Variants in CEP72 observed in about 807,000 individuals in gnomAD.
CEP72 encodes centrosomal protein 72, also known as centrosomal protein of 72 kDa.
CEP72 carries 78 observed loss-of-function variants against 65.7 expected under a neutral mutation model. The ratio of observed to expected loss-of-function variants is 1.19; its 90% CI spans 0.99 to 1.43. CEP72 has a LOEUF of 1.43. Ranked by LOEUF, CEP72 falls within the 40% of genes most tolerant of loss-of-function variation. The pLI is 0.00. For missense variants in CEP72, 914 were observed against 832.9 expected (o/e 1.10, Z -1.20); for synonymous variants, 358 against 351.7 (o/e 1.02, Z -0.20).
intron 9 of CEP72, chr5:641,466 G>A: frequency 1.0e-6 from 1 of 985,456 alleles, no homozygotes; most frequent in Non-Finnish European, 1.2e-6. Context: ...AGTACATACT[G>A]TCCGTTTCAT....
At chr5:637,413 T>G in intron 6 of CEP72, 104 bp from the exon 7 acceptor site, 2 of 939,386 alleles carry the variant, frequency 2.1e-6, no homozygotes, top group Non-Finnish European at 3.3e-6. Flanking sequence ...TGTGTCCATG[T>G]GTGTATATAC....
downstream of CEP72, chr5:659,714 T>C: frequency 6.6e-6 from 1 of 152,440 alleles, no homozygotes; most frequent in Non-Finnish European, 1.5e-5. Flanking sequence ...AGCGAGAGAC[T>C]CCCTCGGGAA....
At chr5:662,602 A>ACTGTGGGGACTGGGCTGCC (rs1215248509) in intron 1 of CEP72, 2 of 152,546 alleles carry the variant, frequency 1.3e-5, no homozygotes, top group African/African-American at 4.8e-5. Flanking sequence ...CTTGGCCGTG[A>ACTGTGGGGACTGGGCTGCC]CTGTGGGGAC....
At chr5:650,017 T>G (rs886485968) in intron 11 of CEP72, among the ~76,000 whole-genome samples, 25 of 53,960 alleles carry the variant, frequency 4.6e-4, no homozygotes, top group South Asian at 8.1e-4. Context: ...GACTGTGAGG[T>G]GTGACTGTGA....
rs150503940 is a variant in CEP72 at position 613,097 on chromosome 5, G to A, written c.82+654G>A. On this transcript the variant is annotated intron_variant, in intron 1 of 11. Coordinates refer to ENST00000264935, the MANE Select transcript of CEP72 (RefSeq NM_018140.4). ...AGAACCGTTCATATTAGTTCACCGC[G>A]AGTCTTGGCTGTGTGGGGTTTTGTG... 2.5e-3 allele frequency among the ~76,000 whole-genome samples: 381 copies of A among 152,296 alleles called. 1 individual carries two copies. Among genetic ancestry groups the A allele is most frequent in the South Asian group, 0.011 (53 of 4,832 alleles).
At chr5:647,711 A>G in intron 10 of CEP72, 94 bp from the exon 11 acceptor site, 2 of 822,920 alleles carry the variant, frequency 2.4e-6, no homozygotes, top group Non-Finnish European at 3.9e-6. Context: ...TCTGGTAACC[A>G]AGATCCAGTT....
rs1171072536 is a variant in CEP72, at chr5:623,628, G to A, written c.404-843G>A. Among the ~76,000 whole-genome samples, 1 of 152,088 alleles carries A rather than the reference G, an allele frequency of 6.6e-6. No individual in the cohort carries two copies. Among genetic ancestry groups the A allele is most frequent in the East Asian group, 1.9e-4 (1 of 5,170 alleles). ...AGAGAGCTATGCGTCGTTAGTGCGG[G>A]GCTGGTGAAGGCCGGGGTGGAAAGG... is the stretch of plus-strand genomic sequence containing the variant. On this transcript the variant is annotated intron_variant, in intron 3 of 11. Transcript: ENST00000264935. This position sits in a 1 kb window ranked among gnomAD's most constrained non-coding sequence, Gnocchi z 5.3.
intron 5 of CEP72, among the ~76,000 whole-genome samples, chr5:634,291 G>C (rs545944432): frequency 2.6e-5 from 4 of 152,328 alleles, no homozygotes; most frequent in African/African-American, 9.6e-5. Context: ...CATAGTCACC[G>C]AACTTGCAGG....
downstream of CEP72, among the ~76,000 whole-genome samples, chr5:667,712 T>A (rs577743520): frequency 2.1e-4 from 31 of 150,936 alleles, no homozygotes; most frequent in African/African-American, 7.4e-4. Context: ...AGAAAAAAAA[T>A]CCATGTGAAA....
intron 3 of CEP72, chr5:665,472 G>A: frequency 1.5e-6 from 1 of 662,362 alleles, no homozygotes; most frequent in Admixed American, 3.0e-5. Context: ...CCCTGGGGCA[G>A]CCTTGGGCCT....
chr5:666,070 T>C, exon 4 of CEP72: 1 of 1,612,268 alleles, frequency 6.2e-7, no homozygotes, highest in Non-Finnish European at 8.5e-7. Flanking sequence ...CTTGGCGAGC[T>C]CCTCCAGCGC....
At chr5:670,791 G>A (rs1740193628), downstream of CEP72, among the ~76,000 whole-genome samples, 8 of 152,330 alleles carry the variant, frequency 5.3e-5, no homozygotes, top group South Asian at 1.7e-3. Flanking sequence ...GTTTCCCGGG[G>A]CCGACAGAGG....
At chr5:634,458 G>T (rs540233654) in intron 5 of CEP72, among the ~76,000 whole-genome samples, 1 of 152,216 alleles carries the variant, frequency 6.6e-6, no homozygotes, top group African/African-American at 2.4e-5. Flanking sequence ...AGAACTTTTC[G>T]TGGAAACAAC....
intron 2 of CEP72, among the ~76,000 whole-genome samples, chr5:619,737 G>C (rs1159804362): frequency 3.3e-5 from 5 of 152,248 alleles, no homozygotes; most frequent in Non-Finnish European, 7.3e-5. Flanking sequence ...TCTGTGAAGG[G>C]GGGGCTGATG....
intron 10 of CEP72, among the ~76,000 whole-genome samples, chr5:646,554 C>T (rs1404833665): frequency 1.3e-5 from 2 of 152,192 alleles, no homozygotes; most frequent in Non-Finnish European, 2.9e-5. Context: ...TCTCTGATGC[C>T]GTCATCCTGG....
At chr5:626,962 G>C (rs907515313) in intron 4 of CEP72, among the ~76,000 whole-genome samples, 2 of 152,232 alleles carry the variant, frequency 1.3e-5, no homozygotes, top group Admixed American at 6.5e-5. Flanking sequence ...ATTCATAAGA[G>C]ATACTGGCCT....
chr5:665,974 A>G, exon 4 of CEP72: 12 of 1,289,726 alleles, frequency 9.3e-6, no homozygotes, highest in Non-Finnish European at 1.2e-5. Context: ...GCTCACCGTC[A>G]CCCCTGAGAT....
downstream of CEP72, among the ~76,000 whole-genome samples, chr5:659,706 CGA>C (rs1366585485): frequency 6.6e-6 from 1 of 152,206 alleles, no homozygotes; most frequent in East Asian, 1.9e-4. Context: ...GATGAGGAAG[CGA>C]GAGACTCCCT....
At chr5:668,739 C>T (rs1740063644), downstream of CEP72, among the ~76,000 whole-genome samples, 1 of 152,246 alleles carries the variant, frequency 6.6e-6, no homozygotes, top group Non-Finnish European at 1.5e-5. Flanking sequence ...CAAATGTTTA[C>T]CACTGTTCTG....
Sources: gnomAD v4.1 joint callset for allele counts (sites outside exome capture counted in the v4.1 genomes callset) on GRCh38, gnomAD v4.1.1 for gene constraint, Gnocchi (gnomAD v3.1) non-coding constraint, MANE v1.5 for transcripts, NCBI Gene and HGNC (gene_info 2026-07-23, HGNC 2026-07-21) for gene names.